The following SERGEF variants were observed in gnomAD, a reference collection of about 807,000 sequenced individuals.
SERGEF encodes secretion regulating guanine nucleotide exchange factor, also known as secretion-regulating guanine nucleotide exchange factor.
SERGEF carries 51 observed loss-of-function variants against 50.0 expected under a neutral mutation model. That is an observed-to-expected ratio of 1.02 (90% CI 0.81 to 1.29). The LOEUF (loss-of-function observed/expected upper bound fraction) is 1.29, where lower values mean the gene tolerates loss of function less well. Among genes scored for constraint, SERGEF ranks in the 50% most tolerant of loss-of-function variants. The probability of loss-of-function intolerance (pLI) is 0.00; values close to 1 mark genes in which losing one functional copy is unlikely to be tolerated. For missense variants in SERGEF, 521 were observed against 557.0 expected, an observed-to-expected ratio of 0.94 and a Z score of 0.65; for synonymous variants, 205 against 212.4, an observed-to-expected ratio of 0.97 and a Z score of 0.30.
chr11:17,967,089 A>T (rs1853140242), intron 8 of SERGEF, among the ~76,000 whole-genome samples: 1 of 152,254 alleles, frequency 6.6e-6, no homozygotes, highest in South Asian at 2.1e-4. Flanking sequence ...CATATGGATT[A>T]TCCCTTTTAA....
At chr11:17,836,304 AAGG>A (rs1850396709) in intron 10 of SERGEF, among the ~76,000 whole-genome samples, 1 of 152,224 alleles carries the variant, frequency 6.6e-6, no homozygotes, top group South Asian at 2.1e-4. Context: ...ATTGGGCAAG[AAGG>A]CCTTGCATTT....
At chr11:17,900,837 C>G (rs1391037312) in intron 9 of SERGEF, among the ~76,000 whole-genome samples, 1 of 152,134 alleles carries the variant, frequency 6.6e-6, no homozygotes, top group Admixed American at 6.5e-5. Context: ...TAAACAAAGA[C>G]TACTTGAGAG....
At chr11:17,959,121 G>A (rs1342978405) in intron 9 of SERGEF, among the ~76,000 whole-genome samples, 3 of 152,048 alleles carry the variant, frequency 2.0e-5, no homozygotes, top group South Asian at 4.2e-4. Flanking sequence ...CGCCCACCTC[G>A]GCCTCCCAAA....
intron 9 of SERGEF, among the ~76,000 whole-genome samples, chr11:17,917,059 C>T (rs1404312018): frequency 6.6e-6 from 1 of 152,208 alleles, no homozygotes; most frequent in African/African-American, 2.4e-5. Context: ...AGCATTCCCA[C>T]TACTGGGTAT....
chr11:17,893,116 T>C (rs762569571), intron 9 of SERGEF, among the ~76,000 whole-genome samples: 1 of 152,218 alleles, frequency 6.6e-6, no homozygotes, highest in Non-Finnish European at 1.5e-5. Context: ...CAGTGACTGA[T>C]AGTACCAGGC....
intron 8 of SERGEF, among the ~76,000 whole-genome samples, chr11:17,974,819 G>A (rs534422936): frequency 1.3e-5 from 2 of 152,306 alleles, no homozygotes; most frequent in East Asian, 3.9e-4. Flanking sequence ...AGTTTACCCT[G>A]ATATTAATTG....
Position 17,804,358 on chromosome 11 carries a change from C to T in SERGEF, c.1049-15945G>A, listed in dbSNP as rs188830937. Among the ~76,000 whole-genome samples, 413 of 152,322 alleles carry T rather than the reference C, an allele frequency of 2.7e-3. 2 individuals are homozygous for T. Among genetic ancestry groups the T allele is most frequent in the African/African-American group, 9.6e-3 (398 of 41,556 alleles). On this transcript the variant is annotated intron_variant, in intron 10 of 10. Transcript: ENST00000265965. ...GAGCAGGGATGAAAGGCTCAGAGCC[C>T]TATCCACTCAGCCTCCCACTACTCC...
At chr11:17,950,707 T>C (rs1852758635) in intron 9 of SERGEF, among the ~76,000 whole-genome samples, 1 of 152,208 alleles carries the variant, frequency 6.6e-6, no homozygotes, top group Non-Finnish European at 1.5e-5. Context: ...AGACCTAGAA[T>C]TGCTCTCAGC....
At chr11:18,010,672 T>C (rs937907497) in intron 1 of SERGEF, among the ~76,000 whole-genome samples, 4 of 152,208 alleles carry the variant, frequency 2.6e-5, no homozygotes, top group African/African-American at 9.7e-5. Context: ...TTACATTATA[T>C]ATGACTACTT....
intron 9 of SERGEF, among the ~76,000 whole-genome samples, chr11:17,882,512 G>A (rs569386218): frequency 1.2e-4 from 18 of 151,790 alleles, no homozygotes; most frequent in South Asian, 2.1e-4. Flanking sequence ...CAGCTGCCCC[G>A]TCCTGGCTAT....
intron 10 of SERGEF, among the ~76,000 whole-genome samples, chr11:17,830,781 C>T (rs1357941553): frequency 6.6e-6 from 1 of 152,058 alleles, no homozygotes; most frequent in Non-Finnish European, 1.5e-5. Context: ...ACCTCTTACA[C>T]GTCCCACCTC....
At chr11:17,919,524 G>A (rs188206097) in intron 9 of SERGEF, among the ~76,000 whole-genome samples, 1 of 152,292 alleles carries the variant, frequency 6.6e-6, no homozygotes, top group Admixed American at 6.5e-5. Context: ...CTGAAGTTTG[G>A]AGTCTGGGTA....
intron 9 of SERGEF, among the ~76,000 whole-genome samples, chr11:17,941,470 C>CT (rs980214672): frequency 6.6e-6 from 1 of 152,152 alleles, no homozygotes; most frequent in Non-Finnish European, 1.5e-5. Flanking sequence ...GATTCCCTTC[C>CT]TTTTTAAGAC....
intron 8 of SERGEF, among the ~76,000 whole-genome samples, chr11:17,962,052 C>T (rs933850679): frequency 6.6e-6 from 1 of 152,100 alleles, no homozygotes; most frequent in Non-Finnish European, 1.5e-5. Flanking sequence ...CAATCAACAA[C>T]CAAATAGTCG....
chr11:18,004,325 T>A (rs1288588288), intron 4 of SERGEF, 116 bp downstream of exon 4: 8 of 670,524 alleles, frequency 1.2e-5, no homozygotes, highest in Non-Finnish European at 1.7e-5. Context: ...ACTCAAATTC[T>A]CCTACTCCAT....
intron 8 of SERGEF, among the ~76,000 whole-genome samples, chr11:17,980,217 C>T (rs1853468282): frequency 6.6e-6 from 1 of 152,202 alleles, no homozygotes; most frequent in Non-Finnish European, 1.5e-5. Flanking sequence ...TCCAACTCCC[C>T]TCTTCAGATG....
At chr11:17,843,092 A>T (rs1346931830) in intron 10 of SERGEF, among the ~76,000 whole-genome samples, 1 of 152,172 alleles carries the variant, frequency 6.6e-6, no homozygotes, top group Non-Finnish European at 1.5e-5. Context: ...AAACAGAGAG[A>T]ACAGGCCACA....
intron 8 of SERGEF, among the ~76,000 whole-genome samples, chr11:17,980,869 T>C (rs1481112327): frequency 6.6e-6 from 1 of 152,236 alleles, no homozygotes; most frequent in Non-Finnish European, 1.5e-5. Context: ...GCCAGTTTTA[T>C]TTTTTATAGG....
chr11:17,906,050 C>T (rs1851834291), intron 9 of SERGEF, among the ~76,000 whole-genome samples: 1 of 152,116 alleles, frequency 6.6e-6, no homozygotes, highest in African/African-American at 2.4e-5. Flanking sequence ...AATGCCACTG[C>T]CTTCAAGAAG....
Sources: gnomAD v4.1 joint callset for allele counts (sites outside exome capture counted in the v4.1 genomes callset) on GRCh38, gnomAD v4.1.1 for gene constraint, MANE v1.5 for transcripts, NCBI Gene and HGNC (gene_info 2026-07-23, HGNC 2026-07-21) for gene names.